WASHC5: variants seen among roughly 807,000 people sequenced by gnomAD.
WASHC5 encodes WASH complex subunit 5, also known as WASH complex subunit strumpellin.
Under a neutral mutation model 150.4 loss-of-function variants are expected in WASHC5, and 101 were observed. That is an observed-to-expected ratio of 0.67 (90% CI 0.57 to 0.79). The LOEUF (loss-of-function observed/expected upper bound fraction) is 0.79, where lower values mean the gene tolerates loss of function less well. Among genes scored for constraint, WASHC5 ranks in the 30% least tolerant of loss-of-function variants. WASHC5 has a pLI of 0.00. For synonymous variants in WASHC5, 467 were observed against 491.2 expected, an observed-to-expected ratio of 0.95 and a Z score of 0.65; for missense variants, 1,195 against 1,396.3, an observed-to-expected ratio of 0.86 and a Z score of 2.30.
At chr8:125,030,877 A>G (rs1278521742) in intron 27 of WASHC5, among the ~76,000 whole-genome samples, 1 of 152,204 alleles carries the variant, frequency 6.6e-6, no homozygotes, top group Non-Finnish European at 1.5e-5. Flanking sequence ...CATCGGGAAC[A>G]GGTGGAAGGG....
intron 7 of WASHC5, among the ~76,000 whole-genome samples, 194 bp downstream of exon 7, chr8:125,076,154 C>T (rs1260787962): frequency 1.3e-5 from 2 of 152,122 alleles, no homozygotes; most frequent in Non-Finnish European, 2.9e-5. Flanking sequence ...GTGGGTTCTT[C>T]AGGAAGTTTT....
chr8:125,047,256 T>C lies in WASHC5; in HGVS notation c.2455A>G (p.Thr819Ala). 1.9e-6 allele frequency: 3 copies of C among 1,614,134 alleles called. No individual in the cohort carries two copies. The highest frequency in any genetic ancestry group is 2.5e-6 in the Non-Finnish European group (3 of 1,179,980). ...TCTCTGCAGAGTCGACCAATAAACGTTACAGACTCATCCACAGGGGTAAAC... is the reference window on the plus strand; with the variant it reads ...TCTCTGCAGAGTCGACCAATAAACGCTACAGACTCATCCACAGGGGTAAAC... The part of the protein sequence containing the change: ...PKFTPVDESV[T>A]FIGRLCREIL... The change falls in exon 20 of 29, where the codon ACG (threonine) becomes GCG (alanine). Residue 819 changes from threonine to alanine, a missense_variant. Thr to Ala is a moderately conservative substitution (Grantham distance 58). This residue lies in a region of WASHC5 where 997 missense variants were observed against 1,168.1 expected (regional missense o/e 0.85). Coordinates refer to ENST00000318410, the MANE Select transcript of WASHC5 (RefSeq NM_014846.4).
chr8:125,033,961 A>T (rs999106894), intron 26 of WASHC5, among the ~76,000 whole-genome samples: 7 of 152,254 alleles, frequency 4.6e-5, no homozygotes, highest in African/African-American at 1.7e-4. Flanking sequence ...CAGTAAAAAA[A>T]TACATAGATA....
At chr8:125,047,924 G>A (rs776389851) in intron 19 of WASHC5, among the ~76,000 whole-genome samples, 1 of 151,978 alleles carries the variant, frequency 6.6e-6, no homozygotes, top group Admixed American at 6.6e-5. Flanking sequence ...ACAGCTTGTT[G>A]CAGCCTCAAC....
At chr8:125,053,249 A>G (rs563362531) in intron 17 of WASHC5, among the ~76,000 whole-genome samples, 17 of 152,274 alleles carry the variant, frequency 1.1e-4, no homozygotes, top group African/African-American at 4.1e-4. Context: ...GTTAAAGATC[A>G]GCGAGGGCCA....
intron 20 of WASHC5, among the ~76,000 whole-genome samples, chr8:125,045,509 A>G (rs1292997907): frequency 6.6e-6 from 1 of 152,218 alleles, no homozygotes. Context: ...ACAGATGCCC[A>G]GCTTCCATTC....
Position 125,024,597 on chromosome 8 carries a change from TGAA to T in WASHC5, c.*17_*19del, listed in dbSNP as rs781072677. ...GAAGATCTAAGGACAATCCTTCCAT[TGAA>T]GAAGTAGGAAAAACAGTTACAGCAC... On this transcript the variant is annotated 3_prime_UTR_variant, in exon 29 of 29. Coordinates refer to ENST00000318410, the MANE Select transcript of WASHC5 (RefSeq NM_014846.4). 6.4e-7 allele frequency: 1 copy of T among 1,573,934 alleles called. No homozygotes were observed. The highest frequency in any genetic ancestry group is 8.7e-7 in the Non-Finnish European group (1 of 1,143,524).
chr8:125,072,358 G>C (rs1468055511), intron 9 of WASHC5, among the ~76,000 whole-genome samples: 3 of 111,982 alleles, frequency 2.7e-5, no homozygotes, highest in Non-Finnish European at 3.7e-5. Flanking sequence ...AAAGTGGGGG[G>C]GGGGGGCGGG....
chr8:125,060,721 T>G (rs1179111295), intron 12 of WASHC5, among the ~76,000 whole-genome samples: 1 of 152,150 alleles, frequency 6.6e-6, no homozygotes, highest in African/African-American at 2.4e-5. Flanking sequence ...TTCTGGTTTT[T>G]TCCCCCAAGG....
chr8:125,029,545 C>G (rs1815467499), intron 27 of WASHC5, among the ~76,000 whole-genome samples: 1 of 152,184 alleles, frequency 6.6e-6, no homozygotes, highest in Non-Finnish European at 1.5e-5. Context: ...TCTCCAGCAT[C>G]TGGAAATGTG....
rs989931355 is a variant in WASHC5 at position 125,024,656 on chromosome 8, C to T, written c.3441G>A (p.Val1147=). The change falls in exon 29 of 29, where the codon GTG becomes GTA. Residue 1147 remains valine, a synonymous_variant. Coordinates refer to ENST00000318410, the MANE Select transcript of WASHC5 (RefSeq NM_014846.4). ...KLPRRVAEAH[V]PNFIFDEFRT... is the part of the protein sequence containing the mutation. Reference sequence around the variant, plus strand: ...TGAACTCATCAAAAATGAAATTAGGCACATGTGCTTCAGCAACCTGAAAAA... The same window carrying T: ...TGAACTCATCAAAAATGAAATTAGGTACATGTGCTTCAGCAACCTGAAAAA... 4.3e-6 allele frequency: 7 copies of T among 1,610,360 alleles called. No homozygotes were observed. The Middle Eastern group carries it at 9.9e-4, about 229-fold the overall frequency.
intron 21 of WASHC5, 137 bp downstream of exon 21, chr8:125,044,399 C>T: frequency 1.1e-6 from 1 of 921,786 alleles, no homozygotes; most frequent in Non-Finnish European, 1.8e-6. Flanking sequence ...CTGATCTACC[C>T]AGTAGGTATC....
At position 125,056,792 on chromosome 8, in the gene WASHC5, A is replaced by T. The variant is rs768146940; in HGVS notation, c.1901T>A (p.Met634Lys). 1 of 1,614,198 alleles carries T rather than the reference A, an allele frequency of 6.2e-7. No homozygotes were observed. Among genetic ancestry groups the T allele is most frequent in the South Asian group, 1.1e-5 (1 of 91,084 alleles). Residue 634 changes from methionine (M) to lysine (K), a missense_variant, in exon 16 of 29, where the codon ATG becomes AAG. Met to Lys is a moderately conservative substitution (Grantham distance 95, BLOSUM62 -1). Coordinates refer to ENST00000318410, the MANE Select transcript of WASHC5 (RefSeq NM_014846.4). ...TATGATCTTTAGAAGAGATGTAAAC[A>T]TGCTTTCTGGGATGATCTGCAAAAC... is the stretch of plus-strand genomic sequence containing the variant. ...RKVLQIIPES[M>K]FTSLLKIIKL...
rs1418881099 is a variant in WASHC5, at chr8:125,037,298, T to C, written c.3120A>G (p.Pro1040=). The C allele has an allele frequency of 1.2e-6, 2 of 1,612,142 alleles. No individual in the cohort carries two copies. Among genetic ancestry groups the C allele is most frequent in the Non-Finnish European group, 8.5e-7 (1 of 1,178,462 alleles). Residue 1040 remains proline, a synonymous_variant, in exon 26 of 29, where the codon CCA becomes CCG. Transcript: ENST00000318410. ...CGATCAAAAATAGAAAGTTTACAAT[T>C]GGAAAATAGGGTAAGCGCTTTGTTG... ...YITTKRLPYF[P]IVNFLFLIAQ...
rs572892084 is a variant in WASHC5 at position 125,047,254 on chromosome 8, C to T, written c.2457G>A (p.Thr819=). 44 of 1,614,104 alleles carry T rather than the reference C, an allele frequency of 2.7e-5. No individual in the cohort carries two copies. In the East Asian group the frequency reaches 4.7e-4, roughly 17 times the overall value. Residue 819 remains threonine (T), a synonymous_variant, in exon 20 of 29, where the codon ACG becomes ACA. Coordinates refer to ENST00000318410, the MANE Select transcript of WASHC5 (RefSeq NM_014846.4). ...PKFTPVDESV[T]FIGRLCREIL... ...TTTCTCTGCAGAGTCGACCAATAAA[C>T]GTTACAGACTCATCCACAGGGGTAA...
In WASHC5 at chr8:125,083,856, T is replaced by G. The variant is rs1406867889; in HGVS notation, c.43A>C (p.Ile15Leu). ...TTACCACAGGAAACAATCCTTAGGATTGCTTGGCCACAGAGGTTGTTCTCG... is the reference window on the plus strand; with the variant it reads ...TTACCACAGGAAACAATCCTTAGGAGTGCTTGGCCACAGAGGTTGTTCTCG... ...LAENNLCGQA[I>L]LRIVSCGNAI... Residue 15 changes from isoleucine to leucine, a missense_variant, in exon 2 of 29, where the codon ATC (isoleucine) becomes CTC (leucine). Physicochemically the swap from Ile to Leu is conservative, Grantham distance 5. Around this residue, in one of 3 missense-constraint regions of WASHC5, gnomAD observed 195 missense variants for 206.9 expected, o/e 0.94. Coordinates refer to ENST00000318410, the MANE Select transcript of WASHC5 (RefSeq NM_014846.4). 6 of 1,614,012 alleles carry G rather than the reference T, an allele frequency of 3.7e-6. No individual in the cohort carries two copies. The highest frequency in any genetic ancestry group is 5.1e-6 in the Non-Finnish European group (6 of 1,179,952).
At chr8:125,060,919 C>T (rs1052185010) in intron 12 of WASHC5, among the ~76,000 whole-genome samples, 163 bp downstream of exon 12, 1 of 151,960 alleles carries the variant, frequency 6.6e-6, no homozygotes, top group African/African-American at 2.4e-5. Context: ...TATTTATTTC[C>T]CCAAATTTAG....
chr8:125,059,926 G>A (rs1816540237), intron 12 of WASHC5, among the ~76,000 whole-genome samples: 1 of 152,146 alleles, frequency 6.6e-6, no homozygotes, highest in African/African-American at 2.4e-5. Flanking sequence ...GATTTACAAA[G>A]TTGTTTACGA....
At chr8:125,062,170 A>G (rs1405213747) in intron 11 of WASHC5, among the ~76,000 whole-genome samples, 3 of 152,144 alleles carry the variant, frequency 2.0e-5, no homozygotes, top group Non-Finnish European at 4.4e-5. Flanking sequence ...AAAGAGCATG[A>G]AATTTGGGGT....
Sources: gnomAD v4.1 joint callset for allele counts (sites outside exome capture counted in the v4.1 genomes callset) on GRCh38, gnomAD v4.1.1 for gene constraint, gnomAD v4.1.1 regional missense constraint, MANE v1.5 for transcripts, NCBI Gene and HGNC (gene_info 2026-07-23, HGNC 2026-07-21) for gene names.